Variants in WASHC4 observed in about 807,000 individuals in gnomAD.
The protein encoded by WASHC4 is WASH complex subunit 7.
A neutral mutation model predicts 166.6 loss-of-function variants in WASHC4; 86 were observed. The observed-to-expected ratio is 0.52, with a 90% confidence interval of 0.43 to 0.62. The LOEUF (loss-of-function observed/expected upper bound fraction) is 0.62. WASHC4 is among the 20% of genes least tolerant of loss of function. WASHC4 has a pLI of 0.00. For missense variants in WASHC4, 1,262 were observed against 1,382.4 expected, an observed-to-expected ratio of 0.91 and a Z score of 1.38; for synonymous variants, 446 against 451.6, an observed-to-expected ratio of 0.99 and a Z score of 0.16.
At chr12:105,138,638 T>A (rs1882527133) in intron 15 of WASHC4, among the ~76,000 whole-genome samples, 2 of 152,172 alleles carry the variant, frequency 1.3e-5, no homozygotes, top group Non-Finnish European at 2.9e-5. Context: ...AAATTAAGAT[T>A]TGCTGGTAAA....
At chr12:105,146,162 G>A (rs536121874) in intron 22 of WASHC4, among the ~76,000 whole-genome samples, 1 of 152,190 alleles carries the variant, frequency 6.6e-6, no homozygotes, top group African/African-American at 2.4e-5. Context: ...TTGTTGAAGA[G>A]ACAAATATTC....
chr12:105,107,909 C>T (rs1344365847), intron 1 of WASHC4, 48 bp downstream of exon 1: 1 of 1,390,586 alleles, frequency 7.2e-7, no homozygotes, highest in African/African-American at 1.4e-5. Flanking sequence ...TCCTTCGGCC[C>T]GCCGCTGTTC....
intron 26 of WASHC4, among the ~76,000 whole-genome samples, chr12:105,154,737 CAT>C (rs1324670209): frequency 5.9e-5 from 9 of 152,186 alleles, no homozygotes; most frequent in African/African-American, 1.4e-4. Flanking sequence ...TCTTAGCTAA[CAT>C]GTGGGAGACC....
intron 24 of WASHC4, 58 bp downstream of exon 24, chr12:105,147,204 G>A (rs751276040): frequency 4.3e-5 from 43 of 995,288 alleles, no homozygotes; most frequent in African/African-American, 4.0e-4. Context: ...AGCTTGGAAC[G>A]TGGTTTTCTC....
chr12:105,159,024 GTC>G (rs1884335506), intron 28 of WASHC4, among the ~76,000 whole-genome samples: 1 of 152,190 alleles, frequency 6.6e-6, no homozygotes, highest in African/African-American at 2.4e-5. Flanking sequence ...CTCTGGAATA[GTC>G]TGTTAGATAG....
chr12:105,155,893 A>G (rs1287515406), intron 26 of WASHC4, among the ~76,000 whole-genome samples: 1 of 152,150 alleles, frequency 6.6e-6, no homozygotes. Flanking sequence ...AAAATTCACT[A>G]GCAGCTCTGT....
chr12:105,107,821 C>A lies in WASHC4; in HGVS notation c.21C>A (p.Ser7=). 6.4e-7 allele frequency: 1 copy of A among 1,551,026 alleles called. No individual in the cohort carries two copies. The highest frequency in any genetic ancestry group is 8.7e-7 in the Non-Finnish European group (1 of 1,146,604). MAVETL[S]PDWEFDRVDD... ...GGGTGATGGCGGTGGAGACTCTGTC[C>A]CCGGACTGGGAGTTTGACCGCGTTG... is the stretch of plus-strand genomic sequence containing the variant. Residue 7 remains serine (S), a synonymous_variant, in exon 1 of 33, where the codon TCC becomes TCA. Coordinates refer to ENST00000332180, the MANE Select transcript of WASHC4 (RefSeq NM_015275.3).
intron 14 of WASHC4, among the ~76,000 whole-genome samples, chr12:105,136,600 G>A (rs1272458097): frequency 6.6e-6 from 1 of 152,066 alleles, no homozygotes; most frequent in Non-Finnish European, 1.5e-5. Context: ...TGAACTTCAA[G>A]TACCCCTAAA....
At chr12:105,135,863 A>G (rs1882270385) in intron 14 of WASHC4, among the ~76,000 whole-genome samples, 2 of 152,192 alleles carry the variant, frequency 1.3e-5, no homozygotes, top group African/African-American at 2.4e-5. Flanking sequence ...TATTTGTCTT[A>G]TCTGTTGTTT....
At chr12:105,108,694 A>G (rs1046915866) in intron 1 of WASHC4, among the ~76,000 whole-genome samples, 51 of 152,162 alleles carry the variant, frequency 3.4e-4, no homozygotes, top group Non-Finnish European at 4.4e-5. Flanking sequence ...GGTCATAGTA[A>G]TCTGTGTAAG....
intron 24 of WASHC4, chr12:105,148,415 GAA>G: frequency 6.1e-6 from 6 of 985,386 alleles, no homozygotes; most frequent in Non-Finnish European, 7.2e-6. Context: ...ACTAGTGTGA[GAA>G]AAACACATTT....
intron 25 of WASHC4, among the ~76,000 whole-genome samples, chr12:105,151,210 C>T (rs984266030): frequency 6.6e-6 from 1 of 150,696 alleles, no homozygotes; most frequent in Non-Finnish European, 1.5e-5. Context: ...TGAGTTTTCC[C>T]ATAGTGAAGT....
rs368530032 is a variant in WASHC4 at position 105,144,722 on chromosome 12, C to T, written c.2184C>T (p.Tyr728=). The T allele has an allele frequency of 3.6e-5, 58 of 1,605,828 alleles. No homozygotes were observed. The highest frequency in any genetic ancestry group is 4.7e-5 in the Non-Finnish European group (55 of 1,175,724). The part of the protein sequence containing the change: ...FFNRFIDIRA[Y]VTHYLDKTFY... ...TGAATTTTTTTTTTTTGGTAGCTTA[C>T]GTAACTCACTACCTAGACAAGACTT... The change falls in exon 22 of 33, where the codon TAC becomes TAT. Residue 728 remains tyrosine, a synonymous_variant. Coordinates refer to ENST00000332180, the MANE Select transcript of WASHC4 (RefSeq NM_015275.3).
Position 105,164,304 on chromosome 12 carries a change from A to G in WASHC4, c.3351A>G (p.Leu1117=), listed in dbSNP as rs748363939. The G allele has an allele frequency of 1.1e-5, 18 of 1,612,592 alleles. No individual in the cohort carries two copies. Among genetic ancestry groups the G allele is most frequent in the Non-Finnish European group, 1.5e-5 (18 of 1,178,848 alleles). Residue 1117 remains leucine (L), a synonymous_variant, in exon 31 of 33, where the codon CTA becomes CTG. Coordinates refer to ENST00000332180, the MANE Select transcript of WASHC4 (RefSeq NM_015275.3). ...NLTQKRLDVY[L]QEFELLYFSL... is the part of the protein sequence containing the mutation. ...CTCAGAAGCGACTGGATGTCTATCT[A>G]CAGGTAGAGAGGAGCCTAAGAGTCA... is the stretch of plus-strand genomic sequence containing the variant.
At chr12:105,142,314 A>G (rs576068815) in intron 18 of WASHC4, 139 bp from the exon 19 acceptor site, 159 of 660,180 alleles carry the variant, frequency 2.4e-4, no homozygotes, top group Non-Finnish European at 3.8e-4. Context: ...TGACTTTTCT[A>G]TACTATGTTG....
chr12:105,140,882 C>A lies in WASHC4; in HGVS notation c.1561-17C>A. 1 of 1,611,542 alleles carries A rather than the reference C, an allele frequency of 6.2e-7. No homozygotes were observed. Among genetic ancestry groups the A allele is most frequent in the Non-Finnish European group, 8.5e-7 (1 of 1,178,990 alleles). On this transcript the variant is annotated splice_polypyrimidine_tract_variant and intron_variant, in intron 16 of 32. Coordinates refer to ENST00000332180, the MANE Select transcript of WASHC4 (RefSeq NM_015275.3). ...TACTGCCTCAGAAACAAATAGTTTT[C>A]CTGTTTTATTTTTAAGAAAAGAGTG... is the stretch of plus-strand genomic sequence containing the variant.
At chr12:105,162,321 A>C (rs144571702) in intron 29 of WASHC4, among the ~76,000 whole-genome samples, 117 of 152,326 alleles carry the variant, frequency 7.7e-4, no homozygotes, top group Non-Finnish European at 1.2e-3. Context: ...ACTGTCTTGC[A>C]TATGTTTTTA....
chr12:105,123,051 A>G (rs539405869), intron 10 of WASHC4, among the ~76,000 whole-genome samples: 51 of 152,344 alleles, frequency 3.3e-4, no homozygotes, highest in African/African-American at 1.2e-3. Flanking sequence ...GCGGTGGCTC[A>G]TGCCTGTAAT....
At chr12:105,141,482 C>A (rs910162141) in intron 18 of WASHC4, among the ~76,000 whole-genome samples, 2 of 152,180 alleles carry the variant, frequency 1.3e-5, no homozygotes, top group Non-Finnish European at 2.9e-5. Context: ...AGCAGTGCAA[C>A]CTCAGAGCAT....
Sources: gnomAD v4.1 joint callset for allele counts (sites outside exome capture counted in the v4.1 genomes callset) on GRCh38, gnomAD v4.1.1 for gene constraint, MANE v1.5 for transcripts, NCBI Gene and HGNC (gene_info 2026-07-23, HGNC 2026-07-21) for gene names.